HHIP: variants seen among roughly 807,000 people sequenced by gnomAD.
The protein encoded by HHIP is hedgehog interacting protein.
HHIP carries 12 observed loss-of-function variants against 74.0 expected under a neutral mutation model. The observed-to-expected ratio is 0.16, with a 90% CI of 0.10 to 0.26. The LOEUF is 0.26. Ranked by LOEUF, HHIP falls within the 10% of genes least tolerant of loss-of-function variation. HHIP has a pLI of 1.00. For synonymous variants in HHIP, 309 were observed against 311.6 expected, an observed-to-expected ratio of 0.99 and a Z score of 0.09; for missense variants, 788 against 845.0, an observed-to-expected ratio of 0.93 and a Z score of 0.84.
intron 11 of HHIP, among the ~76,000 whole-genome samples, chr4:144,728,808 GTTC>G (rs757432561): frequency 6.6e-6 from 1 of 152,112 alleles, no homozygotes; most frequent in African/African-American, 2.4e-5. Flanking sequence ...CATTGGCTCC[GTTC>G]TTCTACCTGG....
At chr4:144,692,428 A>T in intron 4 of HHIP, among the ~76,000 whole-genome samples, 1 of 152,134 alleles carries the variant, frequency 6.6e-6, no homozygotes, top group East Asian at 1.9e-4. Context: ...AATCATACTC[A>T]TTACAGATAA....
intron 1 of HHIP, among the ~76,000 whole-genome samples, chr4:144,651,794 A>G (rs375448873): frequency 2.0e-5 from 3 of 152,062 alleles, no homozygotes; most frequent in African/African-American, 7.2e-5. Context: ...CAATGATTCA[A>G]TAACTCAAAA....
At chr4:144,694,128 G>C (rs191506635) in intron 4 of HHIP, among the ~76,000 whole-genome samples, 2 of 151,856 alleles carry the variant, frequency 1.3e-5, no homozygotes, top group African/African-American at 4.8e-5. Context: ...ATTTGATTCT[G>C]CTACTTGGTA....
In HHIP at chr4:144,742,860, T is replaced by TTA. The variant is rs759347059; in HGVS notation, c.*4913_*4914dup. The TTA allele has an allele frequency of 7.1e-5, 10 of 140,256 alleles. No individual in the cohort carries two copies. The highest frequency in any genetic ancestry group is 3.9e-4 in the East Asian group (2 of 5,070). The allele number at this position is 140,256 out of a possible 1,614,324, so 8.7% of individuals were successfully genotyped here. A position where few individuals can be genotyped will look rare whatever the true frequency, so the allele number is the denominator to read the frequency against. ...ATATATATATCTTTATATATATATCTTATATATATATCTTTTTATATATAT... is the reference window on the plus strand; with the variant it reads ...ATATATATATCTTTATATATATATCTTATATATATATATCTTTTTATATATAT... On this transcript the variant is annotated 3_prime_UTR_variant, in exon 13 of 13. Coordinates refer to ENST00000296575, the MANE Select transcript of HHIP (RefSeq NM_022475.3).
chr4:144,738,692 ATATTT>A lies in HHIP; in HGVS notation c.*747_*751del. 1 of 729,826 alleles carries A rather than the reference ATATTT, an allele frequency of 1.4e-6. No homozygotes were observed. The highest frequency in any genetic ancestry group is 1.3e-4 in the East Asian group (1 of 7,696). 45.2% of individuals were successfully genotyped at this position (729,826 alleles called of 1,614,324 possible). ...CACTGGGTTTGTGTTACATATTTAT[ATATTT>A]TATTTTATTTTTATAATATAGACAT... On this transcript the variant is annotated 3_prime_UTR_variant, in exon 13 of 13. Transcript: ENST00000296575.
In HHIP at chr4:144,742,876, T is replaced by A. The variant is rs186072527; in HGVS notation, c.*4919T>A. On this transcript the variant is annotated 3_prime_UTR_variant, in exon 13 of 13. Coordinates refer to ENST00000296575, the MANE Select transcript of HHIP (RefSeq NM_022475.3). ...ATATATATCTTATATATATATCTTTTTATATATATCTTATATATATATCTT... is the reference window on the plus strand; with the variant it reads ...ATATATATCTTATATATATATCTTTATATATATATCTTATATATATATCTT... 6.0e-4 allele frequency: 37 copies of A among 61,710 alleles called. No homozygotes were observed. Among genetic ancestry groups the A allele is most frequent in the African/African-American group, 1.4e-3 (24 of 17,024 alleles). 3.8% of individuals were successfully genotyped at this position (61,710 alleles called of 1,614,324 possible). A position where few individuals can be genotyped will look rare whatever the true frequency, so the allele number is the denominator to read the frequency against.
intron 10 of HHIP, among the ~76,000 whole-genome samples, chr4:144,716,129 TA>T (rs1195833808): frequency 9.2e-5 from 14 of 152,220 alleles, no homozygotes; most frequent in African/African-American, 3.4e-4. Flanking sequence ...TGACTCCCTT[TA>T]AAAAATAATA....
chr4:144,672,602 A>G (rs1729069133), intron 4 of HHIP, among the ~76,000 whole-genome samples: 1 of 152,172 alleles, frequency 6.6e-6, no homozygotes, highest in Non-Finnish European at 1.5e-5. Context: ...TGGCTTCTAT[A>G]CTGAGTGAGA....
At chr4:144,688,775 AGAACGGAAGGGATGAGAAGTCATTCTCAT>A (rs375563142) in intron 4 of HHIP, among the ~76,000 whole-genome samples, 4,596 of 152,312 alleles carry the variant, frequency 0.03, 246 homozygotes, top group African/African-American at 0.1. Flanking sequence ...GTTATATGCA[AGAACGGAAGGGATGAGAAGTCATTCTCAT>A]ACACAAAACT....
At chr4:144,715,893 C>T (rs183230731) in intron 10 of HHIP, among the ~76,000 whole-genome samples, 11 of 152,174 alleles carry the variant, frequency 7.2e-5, no homozygotes, top group African/African-American at 2.4e-4. Flanking sequence ...CATTGGGGCA[C>T]GAAATTTGAG....
chr4:144,723,999 C>T (rs979832827), intron 11 of HHIP, among the ~76,000 whole-genome samples: 4 of 151,926 alleles, frequency 2.6e-5, no homozygotes, highest in African/African-American at 9.7e-5. Flanking sequence ...TGCACAATAC[C>T]TTTTCATCTA....
Position 144,711,834 on chromosome 4 carries a change from A to T in HHIP, c.1302-116A>T, listed in dbSNP as rs1042403925. ...GTGCTTTCTAGAAGATCCAAACTAAATTGCCATAGGATCCTTGCCAGTCCA... is the reference window on the plus strand; with the variant it reads ...GTGCTTTCTAGAAGATCCAAACTAATTTGCCATAGGATCCTTGCCAGTCCA... On this transcript the variant is annotated intron_variant, in intron 7 of 12. Coordinates refer to ENST00000296575, the MANE Select transcript of HHIP (RefSeq NM_022475.3). 3 of 919,504 alleles carry T rather than the reference A, an allele frequency of 3.3e-6. No homozygotes were observed. The African/African-American group carries it at 5.0e-5, about 15-fold the overall frequency. 57.0% of individuals were successfully genotyped at this position (919,504 alleles called of 1,614,324 possible). A position where few individuals can be genotyped will look rare whatever the true frequency, so the allele number is the denominator to read the frequency against.
At chr4:144,693,235 G>GT (rs139062082) in intron 4 of HHIP, among the ~76,000 whole-genome samples, 61 of 148,734 alleles carry the variant, frequency 4.1e-4, no homozygotes, top group South Asian at 1.3e-3. Context: ...TTTTCCATCA[G>GT]TTTTTTTTTT....
chr4:144,714,507 G>A (rs767717639), intron 9 of HHIP, among the ~76,000 whole-genome samples, 159 bp downstream of exon 9: 1 of 152,106 alleles, frequency 6.6e-6, no homozygotes, highest in African/African-American at 2.4e-5. Flanking sequence ...AGATATAGTG[G>A]TTTAATTGAA....
At chr4:144,707,362 C>A in intron 6 of HHIP, 102 bp downstream of exon 6, 2 of 942,480 alleles carry the variant, frequency 2.1e-6, no homozygotes, top group South Asian at 1.7e-5. Flanking sequence ...TTTGAATGGT[C>A]ACCTTGGTTA....
intron 4 of HHIP, among the ~76,000 whole-genome samples, chr4:144,661,842 T>G (rs150618086): frequency 8.1e-4 from 123 of 152,350 alleles, no homozygotes; most frequent in African/African-American, 2.8e-3. Context: ...CAATACGAAT[T>G]TTCATAAATT....
At chr4:144,736,800 C>A (rs1276404764) in intron 12 of HHIP, among the ~76,000 whole-genome samples, 1 of 152,108 alleles carries the variant, frequency 6.6e-6, no homozygotes, top group African/African-American at 2.4e-5. Flanking sequence ...GAATTTTATT[C>A]ATGTACTCAC....
intron 11 of HHIP, among the ~76,000 whole-genome samples, chr4:144,725,422 T>C (rs1178095766): frequency 6.6e-6 from 1 of 152,228 alleles, no homozygotes; most frequent in Non-Finnish European, 1.5e-5. Context: ...TGCTCTTTTA[T>C]AGGAAAGAAA....
chr4:144,697,891 T>C (rs1729864935), intron 4 of HHIP, among the ~76,000 whole-genome samples: 1 of 152,224 alleles, frequency 6.6e-6, no homozygotes, highest in South Asian at 2.1e-4. Context: ...ATATCCTCAC[T>C]CTGAGTAGGC....
Sources: allele counts gnomAD v4.1 joint callset (sites outside exome capture counted in the v4.1 genomes callset), GRCh38; gene constraint gnomAD v4.1.1; transcripts MANE v1.5; gene names NCBI Gene and HGNC (gene_info 2026-07-23, HGNC 2026-07-21).